The following CHST15 variants were observed in gnomAD, a reference collection of about 807,000 sequenced individuals.
The protein encoded by CHST15 is B cell RAG associated protein (GALNAC4S-6ST).
Under a neutral mutation model 53.6 loss-of-function variants are expected in CHST15, and 30 were observed. The observed-to-expected ratio is 0.56, with a 90% CI of 0.42 to 0.76. The LOEUF is 0.76. Ranked by LOEUF, CHST15 falls within the 30% of genes least tolerant of loss-of-function variation. The pLI is 0.00. For synonymous variants in CHST15, 296 were observed against 289.8 expected, an observed-to-expected ratio of 1.02 and a Z score of -0.22; for missense variants, 627 against 740.5, an observed-to-expected ratio of 0.85 and a Z score of 1.78.
At chr10:124,021,202 C>T (rs1476950808) in intron 6 of CHST15, 54 bp downstream of exon 6, 1 of 1,570,792 alleles carries the variant, frequency 6.4e-7, no homozygotes, top group Admixed American at 1.8e-5. Flanking sequence ...AACAACAAAC[C>T]AGCTCCTTCT....
chr10:124,021,456 C>T, intron 5 of CHST15, 44 bp from the exon 6 acceptor site: 1 of 1,570,504 alleles, frequency 6.4e-7, no homozygotes. Context: ...CATGAACATG[C>T]AATCACACCA....
chr10:124,009,541 GA>G lies in CHST15; in HGVS notation c.*607del, dbSNP rs1203403279. 59 of 927,514 alleles carry G rather than the reference GA, an allele frequency of 6.4e-5. No individual in the cohort carries two copies. In the Admixed American group the frequency reaches 1.5e-3, roughly 23 times the overall value. 57.5% of individuals were successfully genotyped at this position (927,514 alleles called of 1,614,324 possible). The stretch of plus-strand genomic sequence containing the variant: ...GGAGGGCTGAGTTTGGAGTAAAGGA[GA>G]AAAAAAAAATGAAGAGCCTCCATTC... On this transcript the variant is annotated 3_prime_UTR_variant, in exon 8 of 8. Coordinates refer to ENST00000435907, the MANE Select transcript of CHST15 (RefSeq NM_001270764.2).
intron 5 of CHST15, among the ~76,000 whole-genome samples, chr10:124,030,094 T>A (rs1398981121): frequency 6.6e-6 from 1 of 152,180 alleles, no homozygotes; most frequent in Admixed American, 6.5e-5. Flanking sequence ...CTTGGGAGTT[T>A]TCAGCTTGGT....
chr10:124,021,518 T>C (rs1160556304), intron 5 of CHST15, 106 bp from the exon 6 acceptor site: 9 of 1,503,218 alleles, frequency 6.0e-6, no homozygotes, highest in Admixed American at 2.1e-5. Context: ...GTTTTCCTGA[T>C]TGAAGCACAA....
At chr10:124,045,539 T>C in intron 2 of CHST15, 128 bp downstream of exon 2, 1 of 950,314 alleles carries the variant, frequency 1.1e-6, no homozygotes, top group Admixed American at 2.4e-5. Flanking sequence ...GGCTGTCAAA[T>C]GATCCTTGCT....
At chr10:124,042,205 T>A in intron 4 of CHST15, 96 bp downstream of exon 4, 5 of 1,292,876 alleles carry the variant, frequency 3.9e-6, no homozygotes, top group Admixed American at 4.5e-5. Flanking sequence ...ACCATGTAAA[T>A]GTTCTGGAGG....
Position 124,042,430 on chromosome 10 carries a change from C to T in CHST15, c.904G>A (p.Asp302Asn). 1 of 1,614,148 alleles carries T rather than the reference C, an allele frequency of 6.2e-7. No individual in the cohort carries two copies. The highest frequency in any genetic ancestry group is 8.5e-7 in the Non-Finnish European group (1 of 1,179,964). ...RKRFGIVRLR[D>N]GLRDRYPVED... ...ACGGGATAGCGGTCTCGCAGCCCAT[C>T]TCTTAGGCGGACGATTCCTATGAGA... The change falls in exon 4 of 8, where the codon GAT becomes AAT. Residue 302 changes from aspartate to asparagine, a missense_variant. Physicochemically the swap from Asp to Asn is conservative, Grantham distance 23. Coordinates refer to ENST00000435907, the MANE Select transcript of CHST15 (RefSeq NM_001270764.2).
chr10:124,054,216 C>G (rs1284000805), intron 1 of CHST15, among the ~76,000 whole-genome samples: 1 of 152,194 alleles, frequency 6.6e-6, no homozygotes, highest in East Asian at 1.9e-4. Flanking sequence ...TTCATCCTTC[C>G]TGATGACTGG....
chr10:124,030,280 C>T (rs1947176530), intron 5 of CHST15, among the ~76,000 whole-genome samples: 1 of 152,170 alleles, frequency 6.6e-6, no homozygotes, highest in African/African-American at 2.4e-5. Flanking sequence ...GGCTCAACAG[C>T]TCAGTCCTAT....
intron 6 of CHST15, among the ~76,000 whole-genome samples, chr10:124,014,522 A>G (rs888768629): frequency 6.6e-6 from 1 of 152,204 alleles, no homozygotes; most frequent in Non-Finnish European, 1.5e-5. Flanking sequence ...AACTAAAGAG[A>G]AAATGAGAAC....
intron 1 of CHST15, among the ~76,000 whole-genome samples, chr10:124,092,102 C>A (rs984548986): frequency 1.3e-5 from 2 of 152,240 alleles, no homozygotes; most frequent in African/African-American, 4.8e-5. Flanking sequence ...AGGCAAGGTT[C>A]CCTTCGCCCC....
chr10:124,029,198 A>C (rs1353637911), intron 5 of CHST15, among the ~76,000 whole-genome samples: 2 of 152,332 alleles, frequency 1.3e-5, no homozygotes, highest in African/African-American at 2.4e-5. Context: ...AGGCCATTTA[A>C]TGTAGCTGAG....
intron 1 of CHST15, among the ~76,000 whole-genome samples, chr10:124,070,196 A>G (rs1948870426): frequency 6.6e-6 from 1 of 152,150 alleles, no homozygotes; most frequent in African/African-American, 2.4e-5. Context: ...GTAAAAACAC[A>G]ATGTAGGTCT....
intron 1 of CHST15, among the ~76,000 whole-genome samples, chr10:124,084,004 A>G (rs950198291): frequency 1.3e-5 from 2 of 152,238 alleles, no homozygotes; most frequent in East Asian, 1.9e-4. Flanking sequence ...AGCCCACACA[A>G]TGTTTCAGAG....
At chr10:124,041,834 G>C (rs1303049847) in intron 4 of CHST15, among the ~76,000 whole-genome samples, 1 of 152,240 alleles carries the variant, frequency 6.6e-6, no homozygotes, top group East Asian at 1.9e-4. Context: ...TATAGGCGAT[G>C]TGTCAGAGCT....
At chr10:124,091,218 A>T (rs1949591928) in intron 1 of CHST15, among the ~76,000 whole-genome samples, 1 of 152,240 alleles carries the variant, frequency 6.6e-6, no homozygotes, top group Non-Finnish European at 1.5e-5. Flanking sequence ...AAAATCATAT[A>T]TGATCTATGT....
intron 5 of CHST15, among the ~76,000 whole-genome samples, chr10:124,023,811 G>A (rs1456786153): frequency 6.6e-6 from 1 of 151,080 alleles, no homozygotes; most frequent in Non-Finnish European, 1.5e-5. Flanking sequence ...CTGCACCCAT[G>A]CATCCAGGTA....
In CHST15 at chr10:124,053,043, T is replaced by TCTCTGG. The variant is rs113389365; in HGVS notation, c.-512-6325_-512-6320dup. 5.8e-3 allele frequency among the ~76,000 whole-genome samples: 873 copies of TCTCTGG among 151,638 alleles called. 12 individuals carry two copies. Among genetic ancestry groups the TCTCTGG allele is most frequent in the African/African-American group, 0.02 (830 of 41,338 alleles). On this transcript the variant is annotated intron_variant, in intron 1 of 7. Coordinates refer to ENST00000435907, the MANE Select transcript of CHST15 (RefSeq NM_001270764.2). ...TCAAGAGTCTGCCAAAAAAAAAGAG[T>TCTCTGG]CTCTGGCCCATAGTCAGTGCTCAAT...
At chr10:124,016,609 T>C (rs967495274) in intron 6 of CHST15, among the ~76,000 whole-genome samples, 2 of 152,156 alleles carry the variant, frequency 1.3e-5, no homozygotes, top group African/African-American at 4.8e-5. Context: ...AGGAGCCAGC[T>C]AGGGAAGGCA....
Sources: allele counts gnomAD v4.1 joint callset (sites outside exome capture counted in the v4.1 genomes callset), GRCh38; gene constraint gnomAD v4.1.1; transcripts MANE v1.5; gene names NCBI Gene and HGNC (gene_info 2026-07-23, HGNC 2026-07-21).